CTNNA3: variants seen among roughly 807,000 people sequenced by gnomAD.
The protein encoded by CTNNA3 is catenin alpha 3, also known as catenin alpha-3.
Under a neutral mutation model 95.7 loss-of-function variants are expected in CTNNA3, and 76 were observed. The observed-to-expected ratio is 0.79, with a 90% confidence interval of 0.66 to 0.96. CTNNA3 has a LOEUF of 0.96. Among genes scored for constraint, CTNNA3 ranks in the 40% least tolerant of loss-of-function variants. The pLI is 0.00. For missense variants in CTNNA3, 1,191 were observed against 1,089.8 expected (o/e 1.09, Z -1.31); for synonymous variants, 431 against 374.4 (o/e 1.15, Z -1.74).
chr10:67,527,973 C>T (rs944840639), intron 4 of CTNNA3, among the ~76,000 whole-genome samples: 1 of 152,194 alleles, frequency 6.6e-6, no homozygotes, highest in Non-Finnish European at 1.5e-5. Flanking sequence ...GCTCATTCTG[C>T]TCATTCTGCT....
chr10:67,190,431 T>C (rs994982074), intron 6 of CTNNA3, among the ~76,000 whole-genome samples: 2 of 152,000 alleles, frequency 1.3e-5, no homozygotes, highest in African/African-American at 2.4e-5. Context: ...GCAATTATTA[T>C]TTTGGGGGGA....
At chr10:67,235,869 T>G (rs967245690) in intron 5 of CTNNA3, among the ~76,000 whole-genome samples, 1 of 141,350 alleles carries the variant, frequency 7.1e-6, no homozygotes, top group African/African-American at 2.9e-5. Context: ...CAGACTCTTC[T>G]CAAAAGAAGA....
chr10:67,427,373 G>A (rs1293775163), intron 5 of CTNNA3, among the ~76,000 whole-genome samples: 1 of 152,002 alleles, frequency 6.6e-6, no homozygotes, highest in Non-Finnish European at 1.5e-5. Context: ...CCAGGGGAAG[G>A]GAGTACTAAA....
intron 9 of CTNNA3, among the ~76,000 whole-genome samples, chr10:66,757,360 C>A (rs547585670): frequency 6.6e-6 from 1 of 152,144 alleles, no homozygotes; most frequent in East Asian, 1.9e-4. Context: ...AACTCAATAG[C>A]CTATTGAGGA....
chr10:66,375,798 C>T (rs1281817248), intron 12 of CTNNA3, among the ~76,000 whole-genome samples: 8 of 152,032 alleles, frequency 5.3e-5, no homozygotes, highest in African/African-American at 1.5e-4. Flanking sequence ...TTTATTGGCT[C>T]AAAATTTCTT....
intron 14 of CTNNA3, among the ~76,000 whole-genome samples, chr10:66,093,003 C>T (rs982531434): frequency 6.6e-6 from 1 of 151,740 alleles, no homozygotes; most frequent in Admixed American, 6.6e-5. Context: ...CATAGAACTT[C>T]CCAGTAACCA....
chr10:67,679,707 TCAAA>T (rs1840592376), intron 1 of CTNNA3, among the ~76,000 whole-genome samples: 1 of 152,232 alleles, frequency 6.6e-6, no homozygotes, highest in African/African-American at 2.4e-5. Context: ...TTGGTTTCAC[TCAAA>T]CATTTTTTAA....
intron 3 of CTNNA3, among the ~76,000 whole-genome samples, chr10:67,589,155 C>T (rs1303497194): frequency 6.6e-6 from 1 of 152,098 alleles, no homozygotes; most frequent in Non-Finnish European, 1.5e-5. Flanking sequence ...CTTTCCCCTA[C>T]TTAATAATGG....
At chr10:66,467,007 G>A (rs931185187) in intron 11 of CTNNA3, among the ~76,000 whole-genome samples, 1 of 151,994 alleles carries the variant, frequency 6.6e-6, no homozygotes, top group African/African-American at 2.4e-5. Flanking sequence ...CTAATCTCAA[G>A]ACTGGAATCT....
chr10:67,043,469 C>T (rs1338656741), intron 7 of CTNNA3, among the ~76,000 whole-genome samples: 1 of 152,090 alleles, frequency 6.6e-6, no homozygotes, highest in Admixed American at 6.6e-5. Context: ...GGTTTTCCTC[C>T]TAAGCTGCAT....
intron 10 of CTNNA3, among the ~76,000 whole-genome samples, chr10:66,581,919 C>T (rs753844921): frequency 2.0e-5 from 3 of 151,590 alleles, no homozygotes; most frequent in East Asian, 3.9e-4. Flanking sequence ...GTCCTTTCCC[C>T]GATTTATGTT....
chr10:66,970,502 T>TGGGGG (rs11367465), intron 7 of CTNNA3, among the ~76,000 whole-genome samples: 61 of 138,566 alleles, frequency 4.4e-4, no homozygotes, highest in South Asian at 2.3e-3. Context: ...TATTCTTGGG[T>TGGGGG]GGGGGGGGGA....
At chr10:66,734,517 T>C (rs1475605712) in intron 9 of CTNNA3, among the ~76,000 whole-genome samples, 2 of 152,104 alleles carry the variant, frequency 1.3e-5, no homozygotes, top group Non-Finnish European at 2.9e-5. Context: ...AAGCCAGAAA[T>C]GATTAGTTAT....
intron 13 of CTNNA3, among the ~76,000 whole-genome samples, chr10:66,198,684 C>T (rs900918941): frequency 2.0e-5 from 3 of 152,054 alleles, no homozygotes; most frequent in African/African-American, 7.2e-5. Flanking sequence ...TAATTAAAGA[C>T]TTAGCAAATA....
At chr10:66,263,110 G>T (rs1383699424) in intron 13 of CTNNA3, among the ~76,000 whole-genome samples, 5 of 152,024 alleles carry the variant, frequency 3.3e-5, no homozygotes, top group Non-Finnish European at 7.4e-5. Context: ...CACAGGTAGA[G>T]CTGTCTTTAC....
intron 5 of CTNNA3, among the ~76,000 whole-genome samples, chr10:67,436,277 G>A (rs1846296209): frequency 6.6e-6 from 1 of 152,028 alleles, no homozygotes; most frequent in Admixed American, 6.6e-5. Context: ...ACACAAGTAG[G>A]ATAATGAAAC....
chr10:66,199,751 G>C (rs867031995), intron 13 of CTNNA3, among the ~76,000 whole-genome samples: 30 of 118,116 alleles, frequency 2.5e-4, no homozygotes, highest in African/African-American at 9.0e-4. Context: ...ACAGGCGTGT[G>C]CCACCACGCC....
chr10:67,204,263 T>C (rs1232055772), intron 6 of CTNNA3, among the ~76,000 whole-genome samples: 1 of 152,062 alleles, frequency 6.6e-6, no homozygotes, highest in Non-Finnish European at 1.5e-5. Context: ...GGGAGGTGAT[T>C]AGATCATGGA....
intron 11 of CTNNA3, among the ~76,000 whole-genome samples, chr10:66,512,946 C>T (rs751482138): frequency 8.4e-4 from 127 of 151,852 alleles, no homozygotes; most frequent in Non-Finnish European, 1.6e-3. Context: ...CCCTTTTTGT[C>T]TTTACTTTGA....
Sources: gnomAD v4.1 joint callset for allele counts (sites outside exome capture counted in the v4.1 genomes callset) on GRCh38, gnomAD v4.1.1 for gene constraint, MANE v1.5 for transcripts, NCBI Gene and HGNC (gene_info 2026-07-23, HGNC 2026-07-21) for gene names.